The following ADAMTS12 variants were observed in gnomAD, a reference collection of about 807,000 sequenced individuals.
ADAMTS12 encodes the protein ADAM metallopeptidase with thrombospondin type 1 motif 12.
In ADAMTS12, 118 loss-of-function variants were observed where a neutral mutation model predicts 167.8. That is an observed-to-expected ratio of 0.70 (90% confidence interval 0.61 to 0.82). ADAMTS12 has a LOEUF of 0.82. Ranked by LOEUF, ADAMTS12 falls within the 40% of genes least tolerant of loss-of-function variation. The probability of loss-of-function intolerance (pLI) is 0.00; values close to 1 mark genes in which losing one functional copy is unlikely to be tolerated. For missense variants in ADAMTS12, 1,916 were observed against 1,998.8 expected (o/e 0.96, Z 0.79); for synonymous variants, 704 against 716.9 (o/e 0.98, Z 0.29).
chr5:33,645,257 A>G (rs1307201172), intron 9 of ADAMTS12, among the ~76,000 whole-genome samples: 1 of 152,034 alleles, frequency 6.6e-6, no homozygotes, highest in Non-Finnish European at 1.5e-5. Context: ...CCTGTAGTAA[A>G]GAATTTCCAA....
chr5:33,686,938 G>T (rs58507916), intron 3 of ADAMTS12, among the ~76,000 whole-genome samples: 73,481 of 123,446 alleles, frequency 0.6, 19,916 homozygotes, highest in Non-Finnish European at 0.68. Context: ...TATATATATA[G>T]AGAGAGAGAG....
intron 20 of ADAMTS12, among the ~76,000 whole-genome samples, chr5:33,559,687 C>A (rs1205200620): frequency 6.6e-6 from 1 of 152,164 alleles, no homozygotes; most frequent in African/African-American, 2.4e-5. Context: ...TCGAGACCAG[C>A]CTGGCCAACA....
At chr5:33,810,285 T>C (rs529261207) in intron 2 of ADAMTS12, among the ~76,000 whole-genome samples, 2 of 152,318 alleles carry the variant, frequency 1.3e-5, no homozygotes, top group East Asian at 3.9e-4. Flanking sequence ...ATTTTTGAGA[T>C]AGGTTCCTCT....
At chr5:33,553,077 A>G (rs1404817430) in intron 20 of ADAMTS12, among the ~76,000 whole-genome samples, 1 of 152,270 alleles carries the variant, frequency 6.6e-6, no homozygotes, top group East Asian at 1.9e-4. Flanking sequence ...CACTTTTCAA[A>G]AAAAGACATA....
intron 2 of ADAMTS12, among the ~76,000 whole-genome samples, chr5:33,856,584 C>T: frequency 6.6e-6 from 1 of 151,292 alleles, no homozygotes; most frequent in East Asian, 1.9e-4. Flanking sequence ...TAGTGAGACC[C>T]CATCTCTAAA....
At chr5:33,677,815 C>G (rs1050882294) in intron 5 of ADAMTS12, among the ~76,000 whole-genome samples, 4 of 152,168 alleles carry the variant, frequency 2.6e-5, no homozygotes, top group African/African-American at 9.7e-5. Context: ...TCAGTTTCCA[C>G]TGCTTTGAAA....
At chr5:33,875,071 G>C (rs1445811863) in intron 2 of ADAMTS12, among the ~76,000 whole-genome samples, 1 of 152,124 alleles carries the variant, frequency 6.6e-6, no homozygotes, top group Non-Finnish European at 1.5e-5. Flanking sequence ...ATTACTAAGT[G>C]AAAAAGGCCA....
intron 16 of ADAMTS12, among the ~76,000 whole-genome samples, chr5:33,602,786 G>C (rs10521006): frequency 0.18 from 27,616 of 152,182 alleles, 3,117 homozygotes; most frequent in East Asian, 0.32. Flanking sequence ...AATCCTGTAG[G>C]AACTAGTTTC....
rs187040260 is a variant in ADAMTS12 at position 33,594,167 on chromosome 5, A to G, written c.2654+1767T>C. On this transcript the variant is annotated intron_variant, in intron 17 of 23. Coordinates refer to ENST00000504830, the MANE Select transcript of ADAMTS12 (RefSeq NM_030955.4). ...GGGCGGATTGCCCCATACTGTTCTCATGCTAGTGAATAAGTCTCATGAGAT... is the reference window on the plus strand; with the variant it reads ...GGGCGGATTGCCCCATACTGTTCTCGTGCTAGTGAATAAGTCTCATGAGAT... 2.6e-3 allele frequency among the ~76,000 whole-genome samples: 395 copies of G among 152,296 alleles called. 2 individuals carry two copies. The highest frequency in any genetic ancestry group is 9.2e-3 in the African/African-American group (384 of 41,574).
At chr5:33,602,283 T>C (rs1738227528) in intron 16 of ADAMTS12, among the ~76,000 whole-genome samples, 1 of 152,226 alleles carries the variant, frequency 6.6e-6, no homozygotes, top group South Asian at 2.1e-4. Context: ...CCACTCTGAT[T>C]AAGGATTCTC....
intron 2 of ADAMTS12, among the ~76,000 whole-genome samples, chr5:33,851,425 A>G (rs1016467859): frequency 1.3e-5 from 2 of 152,176 alleles, no homozygotes; most frequent in African/African-American, 4.8e-5. Flanking sequence ...AAAATAAAAT[A>G]AAATAAAAGG....
chr5:33,695,864 T>C (rs4866373), intron 3 of ADAMTS12, among the ~76,000 whole-genome samples: 34,216 of 152,074 alleles, frequency 0.22, 4,034 homozygotes, highest in East Asian at 0.43. Context: ...GGTAAATTTT[T>C]TGTTATGTAT....
Position 33,649,120 on chromosome 5 carries a change from A to C in ADAMTS12, c.1335-154T>G, listed in dbSNP as rs186015410. ...GAGAACTCTCTAGGCCCATCATGGG[A>C]GTTATTAAAGAAAATGCAAATCATA... is the stretch of plus-strand genomic sequence containing the variant. On this transcript the variant is annotated intron_variant, in intron 8 of 23. Transcript: ENST00000504830. Among the ~76,000 whole-genome samples the C allele has an allele frequency of 4.5e-3, 691 of 152,276 alleles. 7 individuals are homozygous for C. Among genetic ancestry groups the C allele is most frequent in the African/African-American group, 0.016 (657 of 41,558 alleles).
intron 3 of ADAMTS12, among the ~76,000 whole-genome samples, chr5:33,727,857 T>G (rs181427747): frequency 1.2e-4 from 18 of 152,358 alleles, no homozygotes; most frequent in Non-Finnish European, 2.2e-4. Context: ...TATGTTTACT[T>G]ATTTGTAATT....
intron 3 of ADAMTS12, among the ~76,000 whole-genome samples, chr5:33,728,936 A>C (rs1440537409): frequency 6.6e-6 from 1 of 152,272 alleles, no homozygotes; most frequent in Non-Finnish European, 1.5e-5. Flanking sequence ...GTATATGTAC[A>C]TGATATATCA....
intron 19 of ADAMTS12, among the ~76,000 whole-genome samples, chr5:33,570,443 A>G: frequency 6.6e-6 from 1 of 152,198 alleles, no homozygotes; most frequent in Non-Finnish European, 1.5e-5. Context: ...GCCAATATTC[A>G]ACATTCTTAA....
At chr5:33,734,207 T>C (rs1744289005) in intron 3 of ADAMTS12, among the ~76,000 whole-genome samples, 1 of 152,186 alleles carries the variant, frequency 6.6e-6, no homozygotes, top group Admixed American at 6.5e-5. Context: ...TCCTTGCTTC[T>C]CCTGTTCGCA....
At chr5:33,695,859 AT>A (rs1294475396) in intron 3 of ADAMTS12, among the ~76,000 whole-genome samples, 3 of 152,148 alleles carry the variant, frequency 2.0e-5, no homozygotes, top group Admixed American at 1.3e-4. Flanking sequence ...CAAAAGGTAA[AT>A]TTTTTGTTAT....
At chr5:33,663,205 T>C (rs1040587503) in intron 5 of ADAMTS12, among the ~76,000 whole-genome samples, 4 of 152,350 alleles carry the variant, frequency 2.6e-5, no homozygotes, top group African/African-American at 9.6e-5. Context: ...AGACACTGAC[T>C]TCATTATTTA....
Sources: gnomAD v4.1 joint callset for allele counts (sites outside exome capture counted in the v4.1 genomes callset) on GRCh38, gnomAD v4.1.1 for gene constraint, MANE v1.5 for transcripts, NCBI Gene and HGNC (gene_info 2026-07-23, HGNC 2026-07-21) for gene names.